Variants in GPR19 observed in about 807,000 individuals in gnomAD.
GPR19 encodes G protein-coupled receptor 19.
Under a neutral mutation model 28.5 loss-of-function variants are expected in GPR19, and 14 were observed. The observed-to-expected ratio is 0.49, with a 90% CI of 0.32 to 0.77. GPR19 has a LOEUF of 0.77. Ranked by LOEUF, GPR19 falls within the 30% of genes least tolerant of loss-of-function variation. The pLI, the probability that GPR19 is intolerant of heterozygous loss-of-function variation, is 0.03. For synonymous variants in GPR19, 173 were observed against 184.1 expected (o/e 0.94, Z 0.49); for missense variants, 409 against 504.1 (o/e 0.81, Z 1.81).
chr12:12,680,576 C>T (rs1946003438), intron 3 of GPR19, among the ~76,000 whole-genome samples: 1 of 151,512 alleles, frequency 6.6e-6, no homozygotes, highest in South Asian at 2.1e-4. Context: ...GAGTGATCAC[C>T]GCTCACTGCA....
chr12:12,679,656 G>GC (rs1555177558), intron 3 of GPR19, among the ~76,000 whole-genome samples: 1 of 140,860 alleles, frequency 7.1e-6, no homozygotes, highest in Non-Finnish European at 1.5e-5. Flanking sequence ...CTTGTCTCTG[G>GC]AAAAAAAAAA....
At chr12:12,716,832 G>A in the GPR19 span, 13 of 984,252 alleles carry the variant, frequency 1.3e-5, no homozygotes, top group Non-Finnish European at 1.6e-5. Flanking sequence ...GCAAAGGCAC[G>A]CCGGCGGGGG....
chr12:12,708,493 T>G, the GPR19 span, among the ~76,000 whole-genome samples: 1 of 152,208 alleles, frequency 6.6e-6, no homozygotes, highest in Non-Finnish European at 1.5e-5. Context: ...TAGTGCATTC[T>G]AAGTAAATTA....
At chr12:12,707,687 T>A in the GPR19 span, among the ~76,000 whole-genome samples, 2 of 152,218 alleles carry the variant, frequency 1.3e-5, no homozygotes, top group Non-Finnish European at 2.9e-5. Context: ...GGATTGGTAA[T>A]AAATATGTTT....
At chr12:12,690,521 C>T (rs985406033) in intron 2 of GPR19, among the ~76,000 whole-genome samples, 1 of 152,188 alleles carries the variant, frequency 6.6e-6, no homozygotes, top group Non-Finnish European at 1.5e-5. Flanking sequence ...GACTCTCTTT[C>T]TCTAGGAGAC....
intron 3 of GPR19, among the ~76,000 whole-genome samples, chr12:12,671,766 A>G (rs973802966): frequency 6.6e-5 from 10 of 152,206 alleles, no homozygotes; most frequent in African/African-American, 2.4e-4. Context: ...TACCCTTCAC[A>G]TGAATTCAAA....
At chr12:12,716,613 GTT>G in the GPR19 span, 2 of 224,638 alleles carry the variant, frequency 8.9e-6, no homozygotes, top group Non-Finnish European at 1.4e-5. Flanking sequence ...AGAGTTTTTT[GTT>G]TTTTTTTTTT....
At chr12:12,667,696 GAAAAA>G (rs3080708) in intron 3 of GPR19, among the ~76,000 whole-genome samples, 2 of 122,012 alleles carry the variant, frequency 1.6e-5, no homozygotes, top group Non-Finnish European at 3.5e-5. Context: ...ATCTCAATTA[GAAAAA>G]AAAAAAAAAA....
At chr12:12,701,774 T>C in the GPR19 span, among the ~76,000 whole-genome samples, 142,738 of 152,068 alleles carry the variant, frequency 0.94, 67,611 homozygotes, top group East Asian at 1. Context: ...CTACAAAATA[T>C]GAAAACTTTA....
chr12:12,704,032 C>T, the GPR19 span, among the ~76,000 whole-genome samples: 22 of 152,152 alleles, frequency 1.4e-4, 1 homozygote, highest in South Asian at 3.3e-3. Context: ...GTGTATGTGG[C>T]GGGGGAAGCA....
the GPR19 span, among the ~76,000 whole-genome samples, chr12:12,714,210 G>A: frequency 6.6e-6 from 1 of 152,206 alleles, no homozygotes; most frequent in Non-Finnish European, 1.5e-5. Flanking sequence ...AATTCCCAAA[G>A]TCTAAAAATA....
the GPR19 span, among the ~76,000 whole-genome samples, chr12:12,712,002 T>C: frequency 6.6e-6 from 1 of 152,198 alleles, no homozygotes; most frequent in Non-Finnish European, 1.5e-5. Flanking sequence ...CACCCATCCT[T>C]TACTCTGCCG....
intron 3 of GPR19, among the ~76,000 whole-genome samples, chr12:12,662,818 C>G (rs9804739): frequency 0.79 from 120,041 of 152,210 alleles, 48,780 homozygotes; most frequent in East Asian, 0.99. Context: ...CTCATGGTAA[C>G]GGTGTTACCA....
At chr12:12,704,121 C>G in the GPR19 span, among the ~76,000 whole-genome samples, 1 of 152,290 alleles carries the variant, frequency 6.6e-6, no homozygotes, top group East Asian at 1.9e-4. Flanking sequence ...TCGTGTGTGA[C>G]TATAGAGAAG....
At position 12,661,817 on chromosome 12, in the gene GPR19, T is replaced by G; in HGVS notation, c.632A>C (p.Asn211Thr). 1.2e-6 allele frequency: 2 copies of G among 1,613,616 alleles called. No homozygotes were observed. The highest frequency in any genetic ancestry group is 1.7e-6 in the Non-Finnish European group (2 of 1,179,916). The stretch of plus-strand genomic sequence containing the variant: ...TTCCCAAGAGGAGGGGAGGAAATAG[T>G]TACAATGACTGTCCCAGTTGGAGCC... ...FYGSNWDSHC[N>T]YFLPSSWEGT... The change falls in exon 4 of 4, where the codon AAC becomes ACC. Residue 211 changes from asparagine to threonine, a missense_variant. Asn to Thr is a moderately conservative substitution (Grantham distance 65). Transcript: ENST00000651487. The surrounding 1 kb of genome is among the most constrained non-coding windows in gnomAD (Gnocchi z 4.2).
At chr12:12,671,342 T>G (rs1318713844) in intron 3 of GPR19, among the ~76,000 whole-genome samples, 1 of 151,706 alleles carries the variant, frequency 6.6e-6, no homozygotes, top group Non-Finnish European at 1.5e-5. Context: ...ATATTTTAAA[T>G]AATTGCAAAA....
chr12:12,698,121 G>C (rs1405155492), upstream of GPR19, among the ~76,000 whole-genome samples: 2 of 152,162 alleles, frequency 1.3e-5, no homozygotes, highest in African/African-American at 4.8e-5. Flanking sequence ...TATGGGAGTG[G>C]AAGAGCTGAT....
chr12:12,711,869 AC>A, the GPR19 span, among the ~76,000 whole-genome samples: 2 of 152,076 alleles, frequency 1.3e-5, no homozygotes, highest in Admixed American at 6.6e-5. Context: ...CTAAGTAACC[AC>A]CCTGCATTTG....
chr12:12,711,433 GA>G, the GPR19 span, among the ~76,000 whole-genome samples: 1 of 152,162 alleles, frequency 6.6e-6, no homozygotes, highest in Non-Finnish European at 1.5e-5. Context: ...CAGCCCATGA[GA>G]AAGGGGAAAG....
Sources: gnomAD v4.1 joint callset for allele counts (sites outside exome capture counted in the v4.1 genomes callset) on GRCh38, gnomAD v4.1.1 for gene constraint, Gnocchi (gnomAD v3.1) non-coding constraint, MANE v1.5 for transcripts, NCBI Gene and HGNC (gene_info 2026-07-23, HGNC 2026-07-21) for gene names.